Variants in LPP observed in about 807,000 individuals in gnomAD.
LPP encodes the protein lipoma-preferred partner.
LPP carries 38 observed loss-of-function variants against 60.4 expected under a neutral mutation model. That is an observed-to-expected ratio of 0.63 (90% CI 0.49 to 0.83). The LOEUF is 0.83. LPP is among the 40% of genes least tolerant of loss of function. The pLI is 0.00. For synonymous variants in LPP, 328 were observed against 290.8 expected, an observed-to-expected ratio of 1.13 and a Z score of -1.30; for missense variants, 902 against 783.6, an observed-to-expected ratio of 1.15 and a Z score of -1.80.
At chr3:188,388,999 AC>A (rs966649431) in intron 3 of LPP, among the ~76,000 whole-genome samples, 41 of 152,214 alleles carry the variant, frequency 2.7e-4, no homozygotes, top group African/African-American at 9.4e-4. Flanking sequence ...TAATTTCCTG[AC>A]AAATCGTGTC....
chr3:188,307,005 T>G (rs1402976958), intron 2 of LPP, among the ~76,000 whole-genome samples: 1 of 152,218 alleles, frequency 6.6e-6, no homozygotes, highest in Non-Finnish European at 1.5e-5. Flanking sequence ...GCCCTCAATT[T>G]GCATCTTCTG....
At chr3:188,554,772 C>G (rs1182231635) in intron 6 of LPP, among the ~76,000 whole-genome samples, 1 of 152,226 alleles carries the variant, frequency 6.6e-6, no homozygotes, top group Non-Finnish European at 1.5e-5. Context: ...TCTAGAACTC[C>G]AATAAGAATA....
intron 2 of LPP, among the ~76,000 whole-genome samples, chr3:188,242,792 T>A (rs1725445594): frequency 6.6e-6 from 1 of 152,306 alleles, no homozygotes; most frequent in Middle Eastern, 3.4e-3. Flanking sequence ...CATTTCCCCT[T>A]TCTCCTTAGT....
intron 7 of LPP, among the ~76,000 whole-genome samples, chr3:188,685,180 C>G (rs1309239468): frequency 6.6e-6 from 1 of 152,144 alleles, no homozygotes; most frequent in African/African-American, 2.4e-5. Context: ...AGTATGTTCT[C>G]TCTATGACGA....
At chr3:188,738,669 C>T (rs1723355869) in intron 8 of LPP, among the ~76,000 whole-genome samples, 3 of 152,048 alleles carry the variant, frequency 2.0e-5, no homozygotes, top group Admixed American at 2.0e-4. Flanking sequence ...GTTGCTACAC[C>T]CAGCAACTAA....
intron 6 of LPP, among the ~76,000 whole-genome samples, chr3:188,559,137 G>A (rs1830119785): frequency 6.6e-6 from 1 of 152,032 alleles, no homozygotes; most frequent in Admixed American, 6.6e-5. Context: ...GTAGTTAATT[G>A]TCAGTGGCTC....
chr3:188,231,564 A>G (rs1225969607), intron 2 of LPP, among the ~76,000 whole-genome samples: 2 of 151,838 alleles, frequency 1.3e-5, no homozygotes, highest in African/African-American at 4.8e-5. Context: ...AGAAATGTCG[A>G]AAGGTTCTTG....
At chr3:188,834,409 T>C (rs1459394406) in intron 9 of LPP, among the ~76,000 whole-genome samples, 1 of 145,848 alleles carries the variant, frequency 6.9e-6, no homozygotes, top group Admixed American at 7.3e-5. Context: ...CAGTGCTAAT[T>C]TGATGCTAGT....
intron 2 of LPP, among the ~76,000 whole-genome samples, chr3:188,232,846 C>G (rs1720568674): frequency 6.6e-6 from 1 of 152,058 alleles, no homozygotes; most frequent in Non-Finnish European, 1.5e-5. Flanking sequence ...CTTCTGCAAG[C>G]CATGGAGTGA....
chr3:188,294,056 CAAAAAAA>C (rs61312510), intron 2 of LPP, among the ~76,000 whole-genome samples: 72 of 39,416 alleles, frequency 1.8e-3, no homozygotes, highest in Middle Eastern at 0.028. Context: ...CAAACTCTGT[CAAAAAAA>C]AAAAAAAAAA....
chr3:188,373,138 G>A (rs1773797832), intron 3 of LPP, among the ~76,000 whole-genome samples: 1 of 152,108 alleles, frequency 6.6e-6, no homozygotes, highest in Non-Finnish European at 1.5e-5. Flanking sequence ...CGAAGTCTTT[G>A]CTATTGTGAA....
intron 9 of LPP, among the ~76,000 whole-genome samples, chr3:188,776,330 T>A (rs891588371): frequency 6.6e-6 from 1 of 152,154 alleles, no homozygotes; most frequent in Admixed American, 6.5e-5. Context: ...AAAGAATGAA[T>A]GAGAACAGTT....
intron 7 of LPP, among the ~76,000 whole-genome samples, chr3:188,627,026 A>G (rs1327836763): frequency 1.1e-4 from 16 of 152,176 alleles, no homozygotes; most frequent in Admixed American, 9.2e-4. Context: ...TTTTAGCAGC[A>G]TATTCATTGA....
intron 7 of LPP, among the ~76,000 whole-genome samples, chr3:188,632,438 G>A (rs1848005490): frequency 6.6e-6 from 1 of 152,320 alleles, no homozygotes; most frequent in African/African-American, 2.4e-5. Flanking sequence ...GTGTGCTGGT[G>A]CTGCACATGG....
intron 6 of LPP, among the ~76,000 whole-genome samples, chr3:188,573,356 G>A (rs556301218): frequency 6.6e-6 from 1 of 152,228 alleles, no homozygotes; most frequent in Admixed American, 6.5e-5. Flanking sequence ...TGAAAAATAA[G>A]AGATGAGGTT....
At chr3:188,241,834 T>C (rs1724989529) in intron 2 of LPP, among the ~76,000 whole-genome samples, 1 of 152,024 alleles carries the variant, frequency 6.6e-6, no homozygotes, top group Admixed American at 6.6e-5. Context: ...CTTCAAAGAG[T>C]AATGGTGGGG....
chr3:188,360,526 T>G (rs535734807), intron 3 of LPP, among the ~76,000 whole-genome samples: 2 of 152,208 alleles, frequency 1.3e-5, no homozygotes, highest in African/African-American at 4.8e-5. Context: ...ACATAACTTT[T>G]TTTTTCTTTT....
chr3:188,437,248 G>A (rs1158740265), intron 4 of LPP, among the ~76,000 whole-genome samples: 1 of 152,170 alleles, frequency 6.6e-6, no homozygotes, highest in Non-Finnish European at 1.5e-5. Context: ...GGATCTAGGA[G>A]GATACTAGAG....
intron 7 of LPP, among the ~76,000 whole-genome samples, chr3:188,659,812 A>G (rs183786946): frequency 9.7e-5 from 12 of 124,246 alleles, no homozygotes; most frequent in South Asian, 2.4e-4. Flanking sequence ...GATCCTATGC[A>G]CACACACACA....
Sources: allele counts gnomAD v4.1 joint callset (sites outside exome capture counted in the v4.1 genomes callset), GRCh38; gene constraint gnomAD v4.1.1; transcripts MANE v1.5; gene names NCBI Gene and HGNC (gene_info 2026-07-23, HGNC 2026-07-21).